Variants in CADM2 observed in about 807,000 individuals in gnomAD.
CADM2 encodes the protein cell adhesion molecule 2, also known as immunoglobulin superfamily member 4D.
CADM2 carries 12 observed loss-of-function variants against 49.8 expected under a neutral mutation model. The ratio of observed to expected loss-of-function variants is 0.24; its 90% CI spans 0.15 to 0.39. CADM2 has a LOEUF of 0.39. CADM2 is among the 10% of genes least tolerant of loss of function. The pLI is 1.00. For synonymous variants in CADM2, 214 were observed against 175.4 expected (o/e 1.22, Z -1.74); for missense variants, 378 against 492.3 (o/e 0.77, Z 2.20).
At chr3:85,249,949 C>A (rs1204846634) in intron 1 of CADM2, among the ~76,000 whole-genome samples, 1 of 151,658 alleles carries the variant, frequency 6.6e-6, no homozygotes, top group Non-Finnish European at 1.5e-5. Flanking sequence ...CTAATGAATT[C>A]TATAATGACC....
At chr3:85,321,242 G>A (rs1279023289) in intron 1 of CADM2, among the ~76,000 whole-genome samples, 2 of 140,724 alleles carry the variant, frequency 1.4e-5, no homozygotes, top group Non-Finnish European at 3.1e-5. Flanking sequence ...GTGGGATCTC[G>A]GTTCACTGCA....
intron 3 of CADM2, among the ~76,000 whole-genome samples, chr3:85,839,024 T>A (rs755981634): frequency 6.6e-6 from 1 of 151,764 alleles, no homozygotes; most frequent in Non-Finnish European, 1.5e-5. Context: ...AGAACATGTG[T>A]TTTGTCAAGC....
intron 1 of CADM2, among the ~76,000 whole-genome samples, chr3:85,571,983 G>T (rs947067615): frequency 2.0e-5 from 3 of 152,178 alleles, no homozygotes; most frequent in African/African-American, 4.8e-5. Context: ...AACAAGCCAG[G>T]TTACTAGAGC....
Position 85,143,378 on chromosome 3 carries a change from C to T in CADM2, c.61+183710C>T, listed in dbSNP as rs558062371. ...TGTCACACACTTGCAGTCCCAACTA[C>T]GTGGGAGGTTGAGGTGGGAACATCA... On this transcript the variant is annotated intron_variant, in intron 1 of 9. Transcript: ENST00000383699. Among the ~76,000 whole-genome samples the T allele has an allele frequency of 1.4e-4, 22 of 152,160 alleles. No individual in the cohort carries two copies. In the East Asian group the frequency reaches 2.1e-3, roughly 15 times the overall value.
At chr3:85,042,938 CAG>C (rs2035500002) in intron 1 of CADM2, among the ~76,000 whole-genome samples, 3 of 152,054 alleles carry the variant, frequency 2.0e-5, no homozygotes, top group Admixed American at 6.6e-5. Flanking sequence ...GGATCCACCA[CAG>C]AGAGTGAAGA....
chr3:85,615,721 G>A (rs1159546506), intron 1 of CADM2, among the ~76,000 whole-genome samples: 1 of 151,500 alleles, frequency 6.6e-6, no homozygotes, highest in African/African-American at 2.4e-5. Flanking sequence ...ATGCAAATTG[G>A]CATTTGCATT....
chr3:85,720,133 G>A (rs2067445996), intron 1 of CADM2, among the ~76,000 whole-genome samples: 3 of 152,056 alleles, frequency 2.0e-5, no homozygotes, highest in Admixed American at 1.3e-4. Flanking sequence ...AAATTTATTT[G>A]CTAAAGGAAC....
At chr3:85,037,245 T>A (rs1227096992) in intron 1 of CADM2, among the ~76,000 whole-genome samples, 1 of 152,202 alleles carries the variant, frequency 6.6e-6, no homozygotes, top group Non-Finnish European at 1.5e-5. Context: ...CAAGAGTAGT[T>A]ATAGTGGTAC....
At chr3:85,158,861 TA>T (rs1307133539) in intron 1 of CADM2, among the ~76,000 whole-genome samples, 1 of 151,684 alleles carries the variant, frequency 6.6e-6, no homozygotes, top group African/African-American at 2.4e-5. Flanking sequence ...TAAAATAAAA[TA>T]AAAAAATAAA....
chr3:85,850,863 A>G (rs193051776), intron 3 of CADM2, among the ~76,000 whole-genome samples: 5 of 152,272 alleles, frequency 3.3e-5, no homozygotes, highest in African/African-American at 9.6e-5. Context: ...TTGCCTGTAA[A>G]TGGAATATAG....
chr3:84,999,698 C>G (rs1299419877), intron 1 of CADM2, among the ~76,000 whole-genome samples: 1 of 152,126 alleles, frequency 6.6e-6, no homozygotes, highest in African/African-American at 2.4e-5. Context: ...TTTTTTAGTG[C>G]TCTGCACATG....
At chr3:85,717,523 A>C (rs1206813381) in intron 1 of CADM2, among the ~76,000 whole-genome samples, 2 of 152,104 alleles carry the variant, frequency 1.3e-5, no homozygotes, top group Non-Finnish European at 2.9e-5. Context: ...AACTTCCAAT[A>C]CTATGTTGAA....
At chr3:85,122,197 C>T (rs966518536) in intron 1 of CADM2, among the ~76,000 whole-genome samples, 10 of 152,086 alleles carry the variant, frequency 6.6e-5, no homozygotes, top group Non-Finnish European at 1.2e-4. Flanking sequence ...CATACACACC[C>T]TAATTATACT....
At chr3:85,443,713 C>T (rs974388505) in intron 1 of CADM2, among the ~76,000 whole-genome samples, 2 of 152,100 alleles carry the variant, frequency 1.3e-5, no homozygotes, top group Non-Finnish European at 2.9e-5. Context: ...TTAACTGTCT[C>T]TTTGCTCCTT....
At chr3:85,338,622 A>G (rs1380360699) in intron 1 of CADM2, among the ~76,000 whole-genome samples, 1 of 151,572 alleles carries the variant, frequency 6.6e-6, no homozygotes, top group Non-Finnish European at 1.5e-5. Flanking sequence ...CTTTTTGATA[A>G]TTGTTAATTT....
At chr3:85,250,652 A>G (rs2042752169) in intron 1 of CADM2, among the ~76,000 whole-genome samples, 1 of 151,730 alleles carries the variant, frequency 6.6e-6, no homozygotes, top group Non-Finnish European at 1.5e-5. Context: ...GCTACTAGTT[A>G]CATATCTTTG....
intron 5 of CADM2, among the ~76,000 whole-genome samples, chr3:85,910,429 A>C (rs866054129): frequency 3.3e-5 from 5 of 152,128 alleles, no homozygotes; most frequent in Admixed American, 6.6e-5. Context: ...AAATATAAGC[A>C]AAGAATCATA....
chr3:85,146,878 C>T lies in CADM2; in HGVS notation c.61+187210C>T, dbSNP rs560250243. On this transcript the variant is annotated intron_variant, in intron 1 of 9. Transcript: ENST00000383699. ...GAGTTATTTCTTAAATGCGATCCTG[C>T]AAGTATGGGACATATGAAGACATTT... Among the ~76,000 whole-genome samples the T allele has an allele frequency of 9.9e-5, 15 of 151,790 alleles. No homozygotes were observed. In the East Asian group the frequency reaches 2.7e-3, roughly 28 times the overall value.
At chr3:85,329,743 T>C (rs907384024) in intron 1 of CADM2, among the ~76,000 whole-genome samples, 1 of 152,188 alleles carries the variant, frequency 6.6e-6, no homozygotes, top group Non-Finnish European at 1.5e-5. Flanking sequence ...ATATAACATA[T>C]GTTTCCATAT....
Sources: allele counts gnomAD v4.1 joint callset (sites outside exome capture counted in the v4.1 genomes callset), GRCh38; gene constraint gnomAD v4.1.1; transcripts MANE v1.5; gene names NCBI Gene and HGNC (gene_info 2026-07-23, HGNC 2026-07-21).